SORCS2: variants seen among roughly 807,000 people sequenced by gnomAD.
The protein encoded by SORCS2 is sortilin related VPS10 domain containing receptor 2.
Under a neutral mutation model 141.6 loss-of-function variants are expected in SORCS2, and 100 were observed. The observed-to-expected ratio is 0.71, with a 90% CI of 0.60 to 0.83. SORCS2 has a LOEUF of 0.83. Among genes scored for constraint, SORCS2 ranks in the 40% least tolerant of loss-of-function variants. SORCS2 has a pLI of 0.00. For missense variants in SORCS2, 1,646 were observed against 1,560.2 expected, an observed-to-expected ratio of 1.05 and a Z score of -0.93; for synonymous variants, 789 against 676.9, an observed-to-expected ratio of 1.17 and a Z score of -2.57.
intron 2 of SORCS2, among the ~76,000 whole-genome samples, chr4:7,459,275 A>T (rs1305923167): frequency 2.0e-5 from 3 of 151,880 alleles, no homozygotes; most frequent in African/African-American, 7.3e-5. Context: ...GATCCTTTGC[A>T]CCCCTAAGTA....
chr4:7,261,940 G>T (rs187609630), intron 1 of SORCS2, among the ~76,000 whole-genome samples: 14 of 152,332 alleles, frequency 9.2e-5, no homozygotes, highest in East Asian at 5.8e-4. Flanking sequence ...TATGAAATTT[G>T]CCATTTGCAT....
chr4:7,598,864 T>G (rs1265357713), intron 3 of SORCS2, among the ~76,000 whole-genome samples: 1 of 152,226 alleles, frequency 6.6e-6, no homozygotes, highest in African/African-American at 2.4e-5. Context: ...TGCTGAGCTC[T>G]GTGTCCTATG....
chr4:7,531,760 TC>T, intron 3 of SORCS2, 131 bp downstream of exon 3: 2 of 855,924 alleles, frequency 2.3e-6, no homozygotes, highest in Non-Finnish European at 3.7e-6. Flanking sequence ...GATGTTTCCC[TC>T]CCAGCTCTCA....
At chr4:7,563,942 A>C (rs1229570671) in intron 3 of SORCS2, among the ~76,000 whole-genome samples, 1 of 152,274 alleles carries the variant, frequency 6.6e-6, no homozygotes, top group East Asian at 1.9e-4. Context: ...TACTTGTTAG[A>C]AATTACTTTA....
intron 4 of SORCS2, among the ~76,000 whole-genome samples, chr4:7,643,788 T>C (rs780623619): frequency 5.3e-5 from 8 of 152,060 alleles, no homozygotes; most frequent in African/African-American, 1.9e-4. Context: ...TAATATTGAG[T>C]GAACAGAGGT....
Position 7,682,803 on chromosome 4 carries a change from C to G in SORCS2, c.1402C>G (p.Leu468Val). The change falls in exon 10 of 27, where the codon CTT becomes GTT. Residue 468 changes from leucine to valine, a missense_variant. Coordinates refer to ENST00000507866, the MANE Select transcript of SORCS2 (RefSeq NM_020777.3). ...AAAAATTGATGGGAAAGTGATGACG[C>G]TTATAACCTACAACAAGGGCCGCGA... ...NQKIDGKVMTLITYNKGRDWD... is the reference protein window; with the variant it reads ...NQKIDGKVMTVITYNKGRDWD... The G allele has an allele frequency of 6.2e-7, 1 of 1,612,878 alleles. No homozygotes were observed. The highest frequency in any genetic ancestry group is 8.5e-7 in the Non-Finnish European group (1 of 1,179,416).
chr4:7,264,709 G>C (rs369747130), intron 1 of SORCS2, among the ~76,000 whole-genome samples: 3 of 152,328 alleles, frequency 2.0e-5, no homozygotes, highest in Non-Finnish European at 2.9e-5. Context: ...GCAGGGGCTG[G>C]CCTCCCTATG....
chr4:7,427,575 G>T (rs140335684), intron 2 of SORCS2, among the ~76,000 whole-genome samples: 2 of 152,134 alleles, frequency 1.3e-5, no homozygotes, highest in East Asian at 3.9e-4. Context: ...TGCGTTCTTG[G>T]GTTGCTATAA....
At chr4:7,302,518 C>T (rs2108901800) in intron 1 of SORCS2, among the ~76,000 whole-genome samples, 2 of 152,320 alleles carry the variant, frequency 1.3e-5, no homozygotes, top group East Asian at 3.9e-4. Flanking sequence ...ACGGTCCCCA[C>T]TTTCCAGTGA....
intron 1 of SORCS2, among the ~76,000 whole-genome samples, chr4:7,266,095 G>T (rs904607271): frequency 6.6e-6 from 1 of 152,104 alleles, no homozygotes; most frequent in African/African-American, 2.4e-5. Flanking sequence ...TGGAGCCCGA[G>T]GTGTTTCTTG....
chr4:7,527,307 A>C lies in SORCS2; in HGVS notation c.549-4223A>C, dbSNP rs529850210. Among the ~76,000 whole-genome samples, 34 of 152,386 alleles carry C rather than the reference A, an allele frequency of 2.2e-4. No homozygotes were observed. In the South Asian group the frequency reaches 7.0e-3, roughly 32 times the overall value. On this transcript the variant is annotated intron_variant, in intron 2 of 26. Coordinates refer to ENST00000507866, the MANE Select transcript of SORCS2 (RefSeq NM_020777.3). ...CCTTACATGGCAAAGGGGACTTTGC[A>C]GATGGATTAAATGAAGGATCTTGGG...
chr4:7,227,698 C>T (rs1711522022), intron 1 of SORCS2, among the ~76,000 whole-genome samples: 2 of 152,284 alleles, frequency 1.3e-5, no homozygotes, highest in East Asian at 1.9e-4. Context: ...CCTCCTTCCT[C>T]GCCTTTCACC....
chr4:7,373,197 A>G (rs191118127), intron 1 of SORCS2, among the ~76,000 whole-genome samples: 278 of 151,038 alleles, frequency 1.8e-3, no homozygotes, highest in African/African-American at 6.5e-3. Context: ...TGCATTCCCA[A>G]CACCAAGGTA....
At chr4:7,731,533 A>G (rs894580968) in intron 23 of SORCS2, among the ~76,000 whole-genome samples, 3 of 152,244 alleles carry the variant, frequency 2.0e-5, no homozygotes, top group African/African-American at 4.8e-5. Context: ...AAAAGAAAAA[A>G]GCTGGAAGCG....
intron 1 of SORCS2, among the ~76,000 whole-genome samples, chr4:7,342,292 C>T (rs549003854): frequency 1.3e-4 from 20 of 152,318 alleles, no homozygotes; most frequent in Middle Eastern, 3.4e-3. Context: ...CTGACACTGT[C>T]GGCGGAGGGC....
At chr4:7,350,533 A>C (rs538281077) in intron 1 of SORCS2, among the ~76,000 whole-genome samples, 1 of 152,288 alleles carries the variant, frequency 6.6e-6, no homozygotes, top group African/African-American at 2.4e-5. Context: ...AGCTCCTGGC[A>C]CCTAGCATGC....
intron 2 of SORCS2, among the ~76,000 whole-genome samples, chr4:7,525,511 C>T (rs986945044): frequency 1.3e-5 from 2 of 152,040 alleles, no homozygotes; most frequent in African/African-American, 4.8e-5. Context: ...TCCACCTTCC[C>T]CCAAGCAGCA....
In SORCS2 at chr4:7,667,126, A is replaced by G. The variant is rs758666162; in HGVS notation, c.1074A>G (p.Ala358=). 6.2e-7 allele frequency: 1 copy of G among 1,612,566 alleles called. No homozygotes were observed. Among genetic ancestry groups the G allele is most frequent in the Non-Finnish European group, 8.5e-7 (1 of 1,178,672 alleles). ...TVQDDYIFFK[A]TSANQTKYYV... is the part of the protein sequence containing the mutation. ...AATGTGTTTCTTCCCCCGGTTAGGCAACATCAGCAAACCAGACAAAATACT... is the reference window on the plus strand; with the variant it reads ...AATGTGTTTCTTCCCCCGGTTAGGCGACATCAGCAAACCAGACAAAATACT... The change falls in exon 8 of 27, where the codon GCA becomes GCG. Residue 358 remains alanine, a splice_region_variant and synonymous_variant. Coordinates refer to ENST00000507866, the MANE Select transcript of SORCS2 (RefSeq NM_020777.3).
intron 2 of SORCS2, among the ~76,000 whole-genome samples, chr4:7,525,113 A>G (rs992299000): frequency 6.6e-6 from 1 of 152,214 alleles, no homozygotes; most frequent in Non-Finnish European, 1.5e-5. Flanking sequence ...AGATATCATC[A>G]TGGCTGCACT....
Sources: allele counts gnomAD v4.1 joint callset (sites outside exome capture counted in the v4.1 genomes callset), GRCh38; gene constraint gnomAD v4.1.1; transcripts MANE v1.5; gene names NCBI Gene and HGNC (gene_info 2026-07-23, HGNC 2026-07-21).